GNB4: variants seen among roughly 807,000 people sequenced by gnomAD.
GNB4 encodes the protein guanine nucleotide-binding protein subunit beta-4.
GNB4 carries 28 observed loss-of-function variants against 45.2 expected under a neutral mutation model. That is an observed-to-expected ratio of 0.62 (90% CI 0.46 to 0.85). The LOEUF (loss-of-function observed/expected upper bound fraction) is 0.85. Among genes scored for constraint, GNB4 ranks in the 40% least tolerant of loss-of-function variants. The pLI is 0.00. For synonymous variants in GNB4, 132 were observed against 143.7 expected (o/e 0.92, Z 0.58); for missense variants, 321 against 425.4 (o/e 0.75, Z 2.16).
At chr3:179,404,779 G>C (rs1018155301) in intron 9 of GNB4, among the ~76,000 whole-genome samples, 2 of 152,124 alleles carry the variant, frequency 1.3e-5, no homozygotes, top group Non-Finnish European at 2.9e-5. Flanking sequence ...AGCTGCAGAG[G>C]AGGACTCAGG....
the GNB4 span, among the ~76,000 whole-genome samples, chr3:179,514,235 G>A: frequency 6.6e-6 from 1 of 152,216 alleles, no homozygotes; most frequent in Non-Finnish European, 1.5e-5. Context: ...TTTAGGCTGG[G>A]TCAGAGATAT....
At position 179,441,261 on chromosome 3, in the gene GNB4, C is replaced by G. The variant is rs138552269; in HGVS notation, c.-43+10085G>C. On this transcript the variant is annotated intron_variant, in intron 1 of 9. Coordinates refer to ENST00000232564, the MANE Select transcript of GNB4 (RefSeq NM_021629.4). ...GGCAATTTCATCACTGTGCAAACATCATAGGGTGTCCTTACACACACCTAG... is the reference window on the plus strand; with the variant it reads ...GGCAATTTCATCACTGTGCAAACATGATAGGGTGTCCTTACACACACCTAG... Among the ~76,000 whole-genome samples, 30 of 152,332 alleles carry G rather than the reference C, an allele frequency of 2.0e-4. No homozygotes were observed. In the East Asian group the frequency reaches 5.4e-3, roughly 27 times the overall value.
At chr3:179,495,121 C>T in the GNB4 span, among the ~76,000 whole-genome samples, 1 of 151,544 alleles carries the variant, frequency 6.6e-6, no homozygotes, top group Non-Finnish European at 1.5e-5. Context: ...GGCATGATGG[C>T]GTGTGTCCAT....
chr3:179,404,124 A>G (rs1244672994), intron 9 of GNB4, among the ~76,000 whole-genome samples: 1 of 152,224 alleles, frequency 6.6e-6, no homozygotes, highest in African/African-American at 2.4e-5. Flanking sequence ...AAGAATATAA[A>G]CCAAAAAATT....
At chr3:179,447,486 C>A (rs1360381412) in intron 1 of GNB4, among the ~76,000 whole-genome samples, 2 of 152,026 alleles carry the variant, frequency 1.3e-5, no homozygotes, top group Non-Finnish European at 2.9e-5. Context: ...GTAGCTGAGA[C>A]CACAGATATG....
At chr3:179,453,373 C>T (rs1715931822), upstream of GNB4, among the ~76,000 whole-genome samples, 2 of 152,322 alleles carry the variant, frequency 1.3e-5, no homozygotes, top group South Asian at 4.1e-4. Context: ...CCGCCCACCT[C>T]GGCCTCCCAA....
At chr3:179,448,088 G>A (rs1381196858) in intron 1 of GNB4, among the ~76,000 whole-genome samples, 2 of 152,252 alleles carry the variant, frequency 1.3e-5, no homozygotes, top group African/African-American at 4.8e-5. Flanking sequence ...GGGATAATGT[G>A]TCTCTGAAGC....
chr3:179,492,548 C>T, the GNB4 span, among the ~76,000 whole-genome samples: 2 of 152,164 alleles, frequency 1.3e-5, no homozygotes, highest in East Asian at 3.9e-4. Flanking sequence ...GCCCAAGAAG[C>T]TGCAGTGTAC....
At chr3:179,445,651 C>T (rs1715702811) in intron 1 of GNB4, among the ~76,000 whole-genome samples, 1 of 152,088 alleles carries the variant, frequency 6.6e-6, no homozygotes, top group Non-Finnish European at 1.5e-5. Flanking sequence ...GTATATATGA[C>T]AACAAATTAA....
At chr3:179,422,989 C>T (rs905471063) in intron 2 of GNB4, among the ~76,000 whole-genome samples, 3 of 152,090 alleles carry the variant, frequency 2.0e-5, no homozygotes, top group Non-Finnish European at 2.9e-5. Flanking sequence ...GATGGGGTTT[C>T]ACCATGTTAG....
Position 179,427,236 on chromosome 3 carries a change from C to A in GNB4, c.-42-994G>T, listed in dbSNP as rs562886721. On this transcript the variant is annotated intron_variant, in intron 1 of 9. Transcript: ENST00000232564. Reference sequence around the variant, plus strand: ...TGTGCACCCAAACATGCTCCTCTTACCCTGTCTTGTTTTTCACTATGAGAC... The same window carrying A: ...TGTGCACCCAAACATGCTCCTCTTAACCTGTCTTGTTTTTCACTATGAGAC... Among the ~76,000 whole-genome samples the A allele has an allele frequency of 3.3e-5, 5 of 152,130 alleles. No individual in the cohort carries two copies. The East Asian group carries it at 9.7e-4, about 29-fold the overall frequency.
Position 179,401,264 on chromosome 3 carries a change from G to A in GNB4, c.972C>T (p.Gly324=). The A allele has an allele frequency of 1.9e-6, 3 of 1,613,820 alleles. No individual in the cohort carries two copies. Among genetic ancestry groups the A allele is most frequent in the East Asian group, 4.5e-5 (2 of 44,874 alleles). The change falls in exon 10 of 10, where the codon GGC becomes GGT. Residue 324 remains glycine, a synonymous_variant. Transcript: ENST00000232564. ...CCCAAGAGCCTGTTGCCACAGCCAT[G>A]CCATCATCAGTTACACCTAAGCAGC... ...RVSCLGVTDD[G]MAVATGSWDS...
At chr3:179,472,954 G>A in the GNB4 span, among the ~76,000 whole-genome samples, 1 of 152,118 alleles carries the variant, frequency 6.6e-6, no homozygotes, top group Admixed American at 6.5e-5. Context: ...ACGAGGTTAG[G>A]AGATCGAGAC....
At chr3:179,466,953 AG>A in the GNB4 span, among the ~76,000 whole-genome samples, 2 of 152,224 alleles carry the variant, frequency 1.3e-5, no homozygotes, top group Non-Finnish European at 2.9e-5. Context: ...TGAAATGTTA[AG>A]GGTGGATTTT....
At chr3:179,476,568 T>C in the GNB4 span, among the ~76,000 whole-genome samples, 1 of 152,212 alleles carries the variant, frequency 6.6e-6, no homozygotes, top group African/African-American at 2.4e-5. Flanking sequence ...TCCACATTTC[T>C]GTTCATTCAG....
At chr3:179,475,731 C>T in the GNB4 span, among the ~76,000 whole-genome samples, 6 of 152,194 alleles carry the variant, frequency 3.9e-5, no homozygotes, top group African/African-American at 9.6e-5. Flanking sequence ...CTCAGCCTCG[C>T]AAATTGCTGG....
At chr3:179,426,794 TC>T (rs1715158948) in intron 1 of GNB4, among the ~76,000 whole-genome samples, 3 of 152,188 alleles carry the variant, frequency 2.0e-5, no homozygotes. Flanking sequence ...TTCCTCCACT[TC>T]TACTGTCTGG....
In GNB4 at chr3:179,401,337, T is replaced by G. The variant is rs1204803794; in HGVS notation, c.917-18A>C. ...AAGGACACCTGAAAAAAAAATTCAGTAAAAAATTGGCAATTGTAGGGTTTT... is the reference window on the plus strand; with the variant it reads ...AAGGACACCTGAAAAAAAAATTCAGGAAAAAATTGGCAATTGTAGGGTTTT... On this transcript the variant is annotated intron_variant, in intron 9 of 9. Coordinates refer to ENST00000232564, the MANE Select transcript of GNB4 (RefSeq NM_021629.4). 3 of 1,581,224 alleles carry G rather than the reference T, an allele frequency of 1.9e-6. No homozygotes were observed.
At chr3:179,516,783 G>C in the GNB4 span, among the ~76,000 whole-genome samples, 2 of 152,264 alleles carry the variant, frequency 1.3e-5, no homozygotes, top group East Asian at 3.9e-4. Context: ...TTCAGTGGGG[G>C]AGTAGGTGGG....
Sources: gnomAD v4.1 joint callset for allele counts (sites outside exome capture counted in the v4.1 genomes callset) on GRCh38, gnomAD v4.1.1 for gene constraint, MANE v1.5 for transcripts, NCBI Gene and HGNC (gene_info 2026-07-23, HGNC 2026-07-21) for gene names.